The following ELOVL4 variants were observed in gnomAD, a reference collection of about 807,000 sequenced individuals.
ELOVL4 encodes very long chain fatty acid elongase 4.
Under a neutral mutation model 42.1 loss-of-function variants are expected in ELOVL4, and 18 were observed. That is an observed-to-expected ratio of 0.43 (90% confidence interval 0.30 to 0.63). ELOVL4 has a LOEUF of 0.63. ELOVL4 is among the 30% of genes least tolerant of loss of function. The probability of loss-of-function intolerance (pLI) is 0.15; values close to 1 mark genes in which losing one functional copy is unlikely to be tolerated. For missense variants in ELOVL4, 299 were observed against 376.2 expected (o/e 0.79, Z 1.70); for synonymous variants, 117 against 127.0 (o/e 0.92, Z 0.53).
intron 1 of ELOVL4, among the ~76,000 whole-genome samples, chr6:79,938,766 C>A (rs887871155): frequency 2.0e-5 from 3 of 152,090 alleles, no homozygotes; most frequent in African/African-American, 7.2e-5. Context: ...AATATTATGA[C>A]TTTGTTCAGA....
At chr6:79,932,748 T>G (rs1774469303) in intron 1 of ELOVL4, among the ~76,000 whole-genome samples, 1 of 152,160 alleles carries the variant, frequency 6.6e-6, no homozygotes, top group Non-Finnish European at 1.5e-5. Flanking sequence ...CCCTGATCTC[T>G]CAATGCTCAA....
At chr6:79,942,694 A>T (rs1158960777) in intron 1 of ELOVL4, among the ~76,000 whole-genome samples, 1 of 152,228 alleles carries the variant, frequency 6.6e-6, no homozygotes, top group Non-Finnish European at 1.5e-5. Context: ...TAAAATAGTT[A>T]AAACTGTGTC....
chr6:79,928,624 AAT>A (rs1394254662), intron 1 of ELOVL4, among the ~76,000 whole-genome samples: 1 of 151,968 alleles, frequency 6.6e-6, no homozygotes, highest in East Asian at 1.9e-4. Flanking sequence ...ATGAAACACT[AAT>A]AGAGGCCAAT....
rs1774167293 is a variant in ELOVL4 at position 79,916,701 on chromosome 6, A to G, written c.852T>C (p.Asn284=). 1 of 1,614,158 alleles carries G rather than the reference A, an allele frequency of 6.2e-7. No individual in the cohort carries two copies. Among genetic ancestry groups the G allele is most frequent in the Non-Finnish European group, 8.5e-7 (1 of 1,180,024 alleles). Residue 284 remains asparagine, a synonymous_variant, in exon 6 of 6, where the codon AAT becomes AAC. Transcript: ENST00000369816. ...KKPKAGKTAM[N]GISANGVSKS... ...TGCTCACACCATTTGCTGAAATACCATTCATGGCTGTTTTTCCAGCTTTTG... is the reference window on the plus strand; with the variant it reads ...TGCTCACACCATTTGCTGAAATACCGTTCATGGCTGTTTTTCCAGCTTTTG...
intron 4 of ELOVL4, among the ~76,000 whole-genome samples, chr6:79,919,975 C>T (rs978456841): frequency 2.0e-5 from 3 of 152,156 alleles, no homozygotes; most frequent in Non-Finnish European, 2.9e-5. Context: ...GCACTACACA[C>T]ATTGAATAAT....
At position 79,916,030 on chromosome 6, in the gene ELOVL4, T is replaced by G. The variant is rs1387103662; in HGVS notation, c.*578A>C. The G allele has an allele frequency of 6.5e-6, 1 of 154,272 alleles. No individual in the cohort carries two copies. Among genetic ancestry groups the G allele is most frequent in the African/African-American group, 2.4e-5 (1 of 41,450 alleles). 9.6% of individuals were successfully genotyped at this position (154,272 alleles called of 1,614,324 possible). On this transcript the variant is annotated 3_prime_UTR_variant, in exon 6 of 6. Coordinates refer to ENST00000369816, the MANE Select transcript of ELOVL4 (RefSeq NM_022726.4). ...CACCATCATCATCAAGCCTCTAAGATTCTACAGAGATCAGCAGATTTTAAA... is the reference window on the plus strand; with the variant it reads ...CACCATCATCATCAAGCCTCTAAGAGTCTACAGAGATCAGCAGATTTTAAA...
chr6:79,939,984 C>T (rs775570654), intron 1 of ELOVL4, among the ~76,000 whole-genome samples: 13 of 152,160 alleles, frequency 8.5e-5, no homozygotes, highest in African/African-American at 1.7e-4. Context: ...TACCACGTTG[C>T]GTTTATCCAT....
intron 1 of ELOVL4, among the ~76,000 whole-genome samples, chr6:79,940,984 A>C (rs1178338132): frequency 1.3e-5 from 2 of 151,134 alleles, no homozygotes; most frequent in African/African-American, 4.8e-5. Context: ...TATTTCTTAT[A>C]AAGCAAATTT....
rs147486521 is a variant in ELOVL4, at chr6:79,933,166, T to C, written c.101-6785A>G. On this transcript the variant is annotated intron_variant, in intron 1 of 5. Transcript: ENST00000369816. ...TGATCCCCTAGGAGGTCTTACAAAC[T>C]ACACTGAGGATGCTGGAATTTATCA... Among the ~76,000 whole-genome samples the C allele has an allele frequency of 3.3e-5, 5 of 152,296 alleles. No homozygotes were observed. The East Asian group carries it at 9.7e-4, about 29-fold the overall frequency.
intron 2 of ELOVL4, 151 bp downstream of exon 2, chr6:79,926,043 T>A (rs1774337242): frequency 2.7e-6 from 2 of 727,374 alleles, no homozygotes; most frequent in East Asian, 5.4e-5. Flanking sequence ...TTAATATTTT[T>A]GTTATTCAAA....
intron 1 of ELOVL4, among the ~76,000 whole-genome samples, chr6:79,936,983 G>A (rs1774554557): frequency 1.3e-5 from 2 of 152,198 alleles, no homozygotes; most frequent in South Asian, 2.1e-4. Flanking sequence ...GAGTTTGGAA[G>A]AGCACCTGGA....
intron 1 of ELOVL4, 135 bp from the exon 2 acceptor site, chr6:79,926,516 C>A: frequency 1.2e-6 from 1 of 834,506 alleles, no homozygotes; most frequent in Non-Finnish European, 1.9e-6. Context: ...TGAGTCCCAA[C>A]AAAAAATACA....
At chr6:79,946,061 T>C (rs903437523) in intron 1 of ELOVL4, among the ~76,000 whole-genome samples, 2 of 152,182 alleles carry the variant, frequency 1.3e-5, no homozygotes, top group Non-Finnish European at 2.9e-5. Context: ...TAATTTCCTC[T>C]AACAACAATG....
At chr6:79,946,908 T>C (rs1012873133) in intron 1 of ELOVL4, among the ~76,000 whole-genome samples, 1 of 152,178 alleles carries the variant, frequency 6.6e-6, no homozygotes, top group Admixed American at 6.5e-5. Context: ...AGGCTCCATC[T>C]GATATGTCAG....
chr6:79,939,223 T>A (rs1179491637), intron 1 of ELOVL4, among the ~76,000 whole-genome samples: 4 of 152,196 alleles, frequency 2.6e-5, no homozygotes, highest in South Asian at 2.1e-4. Flanking sequence ...CATTGAGCAC[T>A]AAAGAGATCA....
intron 1 of ELOVL4, among the ~76,000 whole-genome samples, chr6:79,941,584 G>A (rs761114170): frequency 4.8e-4 from 73 of 152,106 alleles, no homozygotes; most frequent in Non-Finnish European, 9.1e-4. Context: ...CTCTCTGGCC[G>A]GGCACAGTGG....
At chr6:79,918,668 A>G (rs1774199807) in intron 5 of ELOVL4, among the ~76,000 whole-genome samples, 1 of 152,380 alleles carries the variant, frequency 6.6e-6, no homozygotes, top group Admixed American at 6.5e-5. Flanking sequence ...AAAGCAAATT[A>G]TAATAAATTC....
rs1272937963 is a variant in ELOVL4, at chr6:79,926,244, T to C, written c.238A>G (p.Ile80Val). Residue 80 changes from isoleucine (I) to valine (V), a missense_variant, in exon 2 of 6, where the codon ATT becomes GTT. Coordinates refer to ENST00000369816, the MANE Select transcript of ELOVL4 (RefSeq NM_022726.4). ...AAAACCATCCCAAAATTATAGATAATGAGCACTAGACGCATCTGAAAAGGT... is the reference window on the plus strand; with the variant it reads ...AAAACCATCCCAAAATTATAGATAACGAGCACTAGACGCATCTGAAAAGGT... Reference protein sequence around the residue: ...REPFQMRLVLIIYNFGMVLLN... With the variant: ...REPFQMRLVLVIYNFGMVLLN... 7 of 1,613,938 alleles carry C rather than the reference T, an allele frequency of 4.3e-6. No homozygotes were observed. Among genetic ancestry groups the C allele is most frequent in the East Asian group, 2.2e-5 (1 of 44,854 alleles).
intron 1 of ELOVL4, among the ~76,000 whole-genome samples, chr6:79,939,201 T>G (rs1774598561): frequency 6.6e-6 from 1 of 152,214 alleles, no homozygotes; most frequent in African/African-American, 2.4e-5. Context: ...AAAGAAGAAT[T>G]GACTGTTTTA....
Sources: gnomAD v4.1 joint callset for allele counts (sites outside exome capture counted in the v4.1 genomes callset) on GRCh38, gnomAD v4.1.1 for gene constraint, MANE v1.5 for transcripts, NCBI Gene and HGNC (gene_info 2026-07-23, HGNC 2026-07-21) for gene names.